The following SEL1L3 variants were observed in gnomAD, a reference collection of about 807,000 sequenced individuals.
SEL1L3 encodes the protein protein sel-1 homolog 3.
A neutral mutation model predicts 142.8 loss-of-function variants in SEL1L3; 76 were observed. The ratio of observed to expected loss-of-function variants is 0.53; its 90% CI spans 0.44 to 0.64. The LOEUF (loss-of-function observed/expected upper bound fraction) is 0.64, where lower values mean the gene tolerates loss of function less well. Among genes scored for constraint, SEL1L3 ranks in the 30% least tolerant of loss-of-function variants. The probability of loss-of-function intolerance (pLI) is 0.00; values close to 1 mark genes in which losing one functional copy is unlikely to be tolerated. For synonymous variants in SEL1L3, 504 were observed against 519.6 expected, an observed-to-expected ratio of 0.97 and a Z score of 0.41; for missense variants, 1,262 against 1,381.7, an observed-to-expected ratio of 0.91 and a Z score of 1.37.
chr4:25,721,569 C>T, the SEL1L3 span, among the ~76,000 whole-genome samples: 2 of 152,212 alleles, frequency 1.3e-5, no homozygotes, highest in East Asian at 3.9e-4. Context: ...TTGCCCTTGC[C>T]TTAATAATGC....
At chr4:25,783,533 T>A (rs1711568369) in intron 14 of SEL1L3, among the ~76,000 whole-genome samples, 1 of 151,376 alleles carries the variant, frequency 6.6e-6, no homozygotes, top group Non-Finnish European at 1.5e-5. Flanking sequence ...TTTACGGTAG[T>A]TTCTGCAAAT....
the SEL1L3 span, among the ~76,000 whole-genome samples, chr4:25,736,617 T>C: frequency 2.6e-5 from 4 of 152,168 alleles, no homozygotes; most frequent in Non-Finnish European, 5.9e-5. Context: ...GAAAAGAAAG[T>C]GTATTTTGCA....
chr4:25,810,348 G>T (rs1713937560), intron 9 of SEL1L3, among the ~76,000 whole-genome samples: 1 of 152,064 alleles, frequency 6.6e-6, no homozygotes, highest in Admixed American at 6.5e-5. Context: ...ACAACCAAGA[G>T]CCCGGACTGC....
chr4:25,781,215 T>G (rs1719978724), intron 15 of SEL1L3, among the ~76,000 whole-genome samples: 2 of 152,172 alleles, frequency 1.3e-5, no homozygotes, highest in African/African-American at 4.8e-5. Context: ...ATTTATTTGT[T>G]TATTGTCTTT....
At chr4:25,721,018 T>C in the SEL1L3 span, 1 of 152,170 alleles carries the variant, frequency 6.6e-6, no homozygotes, top group African/African-American at 2.4e-5. Context: ...CAAAAAAGAA[T>C]ACTTCTGAGA....
At position 25,789,534 on chromosome 4, in the gene SEL1L3, A is replaced by C. The variant is rs1577605674; in HGVS notation, c.2076+921T>G. On this transcript the variant is annotated intron_variant, in intron 12 of 23. Transcript: ENST00000399878. ...CAGGACTTTGAGGCTGCAGTGAGCT[A>C]TGATCACGCCACTGAGCTTCAGCCT... is the stretch of plus-strand genomic sequence containing the variant. Among the ~76,000 whole-genome samples the C allele has an allele frequency of 2.0e-5, 3 of 147,182 alleles. No homozygotes were observed. In the South Asian group the frequency reaches 6.9e-4, roughly 34 times the overall value.
chr4:25,731,503 C>A, the SEL1L3 span, among the ~76,000 whole-genome samples: 2 of 152,128 alleles, frequency 1.3e-5, no homozygotes, highest in African/African-American at 2.4e-5. Context: ...CTGCCTTCTA[C>A]CCCCACACTT....
rs751378724 is a variant in SEL1L3 at position 25,815,158 on chromosome 4, T to C, written c.1564+2980A>G. Among the ~76,000 whole-genome samples, 4 of 152,190 alleles carry C rather than the reference T, an allele frequency of 2.6e-5. No homozygotes were observed. In the East Asian group the frequency reaches 7.7e-4, roughly 29 times the overall value. ...TGGTGGCCGGGGAGGCTGGCAGGTA[T>C]GGTCCCTCGGGGGAAGCTCCTTGGT... On this transcript the variant is annotated intron_variant, in intron 9 of 23. Coordinates refer to ENST00000399878, the MANE Select transcript of SEL1L3 (RefSeq NM_015187.5).
chr4:25,746,844 C>T (rs971144734), downstream of SEL1L3, among the ~76,000 whole-genome samples: 8 of 151,774 alleles, frequency 5.3e-5, no homozygotes, highest in Middle Eastern at 3.2e-3. Context: ...TCAAGTATTT[C>T]GTTATAGCAA....
At chr4:25,746,555 T>TATA (rs1577543473), downstream of SEL1L3, among the ~76,000 whole-genome samples, 1 of 144,872 alleles carries the variant, frequency 6.9e-6, no homozygotes, top group East Asian at 2.0e-4. Context: ...AATGTATATA[T>TATA]TTAAATATAT....
intron 5 of SEL1L3, among the ~76,000 whole-genome samples, chr4:25,832,734 G>A (rs1013181521): frequency 1.3e-5 from 2 of 152,190 alleles, no homozygotes; most frequent in African/African-American, 4.8e-5. Context: ...AGATCAGTAT[G>A]GCTGTAGAGC....
At chr4:25,776,902 A>ACCC (rs1429058544) in intron 16 of SEL1L3, among the ~76,000 whole-genome samples, 6 of 151,146 alleles carry the variant, frequency 4.0e-5, no homozygotes, top group African/African-American at 1.5e-4. Flanking sequence ...AGGCACAAAA[A>ACCC]CCCCCCCACA....
At chr4:25,862,029 G>T (rs1423126307) in intron 1 of SEL1L3, 1 of 152,230 alleles carries the variant, frequency 6.6e-6, no homozygotes, top group East Asian at 1.9e-4. Flanking sequence ...AAATGACAAT[G>T]TTCAAGACGC....
chr4:25,775,040 T>C (rs1176091813), intron 17 of SEL1L3, among the ~76,000 whole-genome samples: 1 of 152,046 alleles, frequency 6.6e-6, no homozygotes, highest in African/African-American at 2.4e-5. Flanking sequence ...AAGAAGTTTG[T>C]AGGGAGCAGA....
intron 17 of SEL1L3, among the ~76,000 whole-genome samples, chr4:25,773,089 GC>G (rs1190983384): frequency 1.3e-5 from 2 of 152,080 alleles, no homozygotes; most frequent in Non-Finnish European, 1.5e-5. Context: ...GCACCACCAC[GC>G]CCAGCAAGAT....
chr4:25,768,308 A>G (rs1718901101), intron 17 of SEL1L3, among the ~76,000 whole-genome samples: 1 of 152,218 alleles, frequency 6.6e-6, no homozygotes, highest in Admixed American at 6.5e-5. Context: ...TTCACAAGGG[A>G]GTTGATACAT....
chr4:25,843,985 A>C (rs1217957835), intron 2 of SEL1L3, among the ~76,000 whole-genome samples: 1 of 152,206 alleles, frequency 6.6e-6, no homozygotes, highest in Non-Finnish European at 1.5e-5. Flanking sequence ...TATACATGAA[A>C]AGGAAAATGA....
chr4:25,714,552 C>A, the SEL1L3 span, among the ~76,000 whole-genome samples: 1 of 78,394 alleles, frequency 1.3e-5, no homozygotes, highest in Admixed American at 1.4e-4. Flanking sequence ...TTCTTTCTTT[C>A]TTCTTTCTTT....
chr4:25,806,656 C>T lies in SEL1L3; in HGVS notation c.1565-1904G>A, dbSNP rs142800515. 2.0e-5 allele frequency among the ~76,000 whole-genome samples: 3 copies of T among 152,088 alleles called. No individual in the cohort carries two copies. The East Asian group carries it at 5.8e-4, about 29-fold the overall frequency. The stretch of plus-strand genomic sequence containing the variant: ...GAGCTGTGGGGAAGGATGCAGCCAC[C>T]ACCTCCACCAGCTCTAAGGCATCCT... On this transcript the variant is annotated intron_variant, in intron 9 of 23. Coordinates refer to ENST00000399878, the MANE Select transcript of SEL1L3 (RefSeq NM_015187.5).
Sources: allele counts gnomAD v4.1 joint callset (sites outside exome capture counted in the v4.1 genomes callset), GRCh38; gene constraint gnomAD v4.1.1; transcripts MANE v1.5; gene names NCBI Gene and HGNC (gene_info 2026-07-23, HGNC 2026-07-21).